The following TMEM200A variants were observed in gnomAD, a reference collection of about 807,000 sequenced individuals.
TMEM200A encodes two transmembrane C.
TMEM200A carries 12 observed loss-of-function variants against 24.3 expected under a neutral mutation model. The ratio of observed to expected loss-of-function variants is 0.49; its 90% CI spans 0.32 to 0.80. The LOEUF (loss-of-function observed/expected upper bound fraction) is 0.80. TMEM200A is among the 30% of genes least tolerant of loss of function. The probability of loss-of-function intolerance (pLI) is 0.04; values close to 1 mark genes in which losing one functional copy is unlikely to be tolerated. For missense variants in TMEM200A, 545 were observed against 614.4 expected (o/e 0.89, Z 1.19); for synonymous variants, 224 against 224.4 (o/e 1.00, Z 0.02).
In TMEM200A at chr6:130,374,435, C is replaced by T. The variant is rs142966543; in HGVS notation, c.-81+7911C>T. On this transcript the variant is annotated intron_variant, in intron 1 of 2. Transcript: ENST00000296978. Reference sequence around the variant, plus strand: ...TTGTTTTTGTTTTTTTTTTTTCAGACGGAGTCTCGCTCTGTCACCAGTCAG... The same window carrying T: ...TTGTTTTTGTTTTTTTTTTTTCAGATGGAGTCTCGCTCTGTCACCAGTCAG... 5.5e-3 allele frequency among the ~76,000 whole-genome samples: 827 copies of T among 150,194 alleles called. 7 individuals carry two copies. The highest frequency in any genetic ancestry group is 0.019 in the African/African-American group (787 of 40,852).
intron 2 of TMEM200A, among the ~76,000 whole-genome samples, chr6:130,408,641 T>G (rs1229151753): frequency 6.6e-6 from 1 of 151,956 alleles, no homozygotes; most frequent in Admixed American, 6.6e-5. Flanking sequence ...AGGTAGGAAA[T>G]GGAGTTGACC....
intron 2 of TMEM200A, among the ~76,000 whole-genome samples, chr6:130,430,317 C>T (rs1045541229): frequency 5.3e-5 from 8 of 151,992 alleles, no homozygotes; most frequent in Non-Finnish European, 7.4e-5. Context: ...CCAAAGGCTC[C>T]GTCTCCTAAT....
intron 2 of TMEM200A, among the ~76,000 whole-genome samples, chr6:130,435,744 A>G (rs745318305): frequency 6.6e-6 from 1 of 152,244 alleles, no homozygotes; most frequent in Non-Finnish European, 1.5e-5. Context: ...CCAAGTTAAC[A>G]AAATGAAATT....
chr6:130,414,305 G>A (rs575236241), intron 2 of TMEM200A, among the ~76,000 whole-genome samples: 18 of 151,700 alleles, frequency 1.2e-4, no homozygotes, highest in East Asian at 9.7e-4. Context: ...GGTGTTGGGC[G>A]CCTGTAATCC....
At chr6:130,402,839 C>T (rs922923796) in intron 2 of TMEM200A, among the ~76,000 whole-genome samples, 1 of 152,006 alleles carries the variant, frequency 6.6e-6, no homozygotes, top group African/African-American at 2.4e-5. Flanking sequence ...TTATAAATAT[C>T]CCTATCCTCT....
intron 2 of TMEM200A, among the ~76,000 whole-genome samples, chr6:130,394,644 T>C (rs1778908470): frequency 6.6e-6 from 1 of 152,222 alleles, no homozygotes; most frequent in African/African-American, 2.4e-5. Flanking sequence ...AATTTATTTT[T>C]TGGCATCCCT....
chr6:130,386,786 A>G (rs1778721832), intron 2 of TMEM200A, among the ~76,000 whole-genome samples: 2 of 152,262 alleles, frequency 1.3e-5, no homozygotes, highest in Admixed American at 6.5e-5. Context: ...GCATTTTCAA[A>G]TAAAACAAAT....
chr6:130,413,739 CT>C (rs1161228963), intron 2 of TMEM200A, among the ~76,000 whole-genome samples: 2 of 152,188 alleles, frequency 1.3e-5, no homozygotes, highest in African/African-American at 4.8e-5. Flanking sequence ...CACAATCCAG[CT>C]TAAACACACT....
At chr6:130,433,713 G>GCAGA (rs1779934700) in intron 2 of TMEM200A, among the ~76,000 whole-genome samples, 1 of 152,076 alleles carries the variant, frequency 6.6e-6, no homozygotes, top group Non-Finnish European at 1.5e-5. Flanking sequence ...CTTCCTTTGG[G>GCAGA]CAGACAGCCT....
At chr6:130,375,087 G>A (rs1778419093) in intron 1 of TMEM200A, among the ~76,000 whole-genome samples, 3 of 152,026 alleles carry the variant, frequency 2.0e-5, no homozygotes, top group Non-Finnish European at 4.4e-5. Flanking sequence ...AAATGTTTTG[G>A]TTTTCTTCTA....
chr6:130,379,427 G>A (rs1327603377), intron 1 of TMEM200A, among the ~76,000 whole-genome samples: 7 of 152,218 alleles, frequency 4.6e-5, no homozygotes, highest in South Asian at 2.1e-4. Flanking sequence ...TATGCTGAAT[G>A]TGGTGGCCAA....
intron 1 of TMEM200A, among the ~76,000 whole-genome samples, chr6:130,374,418 GT>G (rs760281727): frequency 1.1e-4 from 9 of 81,876 alleles, no homozygotes; most frequent in East Asian, 7.0e-4. Context: ...TTTTGTTTTT[GT>G]TTTTTTTTTT....
At chr6:130,435,933 G>A (rs1779995269) in intron 2 of TMEM200A, among the ~76,000 whole-genome samples, 1 of 152,224 alleles carries the variant, frequency 6.6e-6, no homozygotes, top group East Asian at 1.9e-4. Context: ...CTCACCCAAG[G>A]TGAGGCCTTC....
chr6:130,420,415 G>T (rs117250160), intron 2 of TMEM200A, among the ~76,000 whole-genome samples: 2 of 152,220 alleles, frequency 1.3e-5, no homozygotes, highest in African/African-American at 2.4e-5. Flanking sequence ...CTATCTGGAA[G>T]GTTGTTGGTC....
intron 2 of TMEM200A, among the ~76,000 whole-genome samples, chr6:130,395,311 C>A (rs1479749443): frequency 1.3e-5 from 2 of 152,160 alleles, no homozygotes; most frequent in African/African-American, 4.8e-5. Flanking sequence ...TGGGATGGAA[C>A]CCTTAGTTGA....
chr6:130,423,947 A>G (rs562756193), intron 2 of TMEM200A, among the ~76,000 whole-genome samples: 1 of 152,236 alleles, frequency 6.6e-6, no homozygotes, highest in South Asian at 2.1e-4. Flanking sequence ...TATAAGTTGA[A>G]CTTATTTGGT....
chr6:130,430,092 A>C (rs1025931103), intron 2 of TMEM200A, among the ~76,000 whole-genome samples: 1 of 152,050 alleles, frequency 6.6e-6, no homozygotes, highest in Non-Finnish European at 1.5e-5. Context: ...CATAGACTAC[A>C]TGGCTTATAA....
At chr6:130,434,332 G>A in intron 2 of TMEM200A, among the ~76,000 whole-genome samples, 1 of 152,200 alleles carries the variant, frequency 6.6e-6, no homozygotes, top group East Asian at 1.9e-4. Context: ...TGCTAATTCA[G>A]TGTTTGATCT....
chr6:130,395,217 A>G (rs1306015234), intron 2 of TMEM200A, among the ~76,000 whole-genome samples: 1 of 152,180 alleles, frequency 6.6e-6, no homozygotes, highest in East Asian at 1.9e-4. Flanking sequence ...ATCCAGCCAT[A>G]CTGGTTGGAT....
Sources: allele counts gnomAD v4.1 joint callset (sites outside exome capture counted in the v4.1 genomes callset), GRCh38; gene constraint gnomAD v4.1.1; transcripts MANE v1.5; gene names NCBI Gene and HGNC (gene_info 2026-07-23, HGNC 2026-07-21).